MPZL1: variants seen among roughly 807,000 people sequenced by gnomAD.
MPZL1 encodes myelin protein zero like 1.
MPZL1 carries 16 observed loss-of-function variants against 29.3 expected under a neutral mutation model. The observed-to-expected ratio is 0.55, with a 90% CI of 0.37 to 0.83. The LOEUF (loss-of-function observed/expected upper bound fraction) is 0.83. Ranked by LOEUF, MPZL1 falls within the 40% of genes least tolerant of loss-of-function variation. MPZL1 has a pLI of 0.00. For synonymous variants in MPZL1, 143 were observed against 132.0 expected, an observed-to-expected ratio of 1.08 and a Z score of -0.57; for missense variants, 279 against 332.9, an observed-to-expected ratio of 0.84 and a Z score of 1.26.
intron 2 of MPZL1, among the ~76,000 whole-genome samples, chr1:167,771,380 C>T (rs1661244432): frequency 6.6e-6 from 1 of 152,140 alleles, no homozygotes; most frequent in Non-Finnish European, 1.5e-5. Flanking sequence ...ATGGAGTCTC[C>T]TATGTCTACT....
intron 5 of MPZL1, among the ~76,000 whole-genome samples, 199 bp downstream of exon 5, chr1:167,776,365 G>A (rs1009691312): frequency 1.3e-5 from 2 of 152,178 alleles, no homozygotes; most frequent in Non-Finnish European, 2.9e-5. Context: ...TGAAGAATCT[G>A]CTTGAGTAAA....
At chr1:167,728,945 G>T (rs531976708) in intron 1 of MPZL1, among the ~76,000 whole-genome samples, 5 of 152,098 alleles carry the variant, frequency 3.3e-5, no homozygotes, top group African/African-American at 9.6e-5. Context: ...TTTAGGATCT[G>T]GGGAGTTTAT....
chr1:167,743,497 C>T (rs184233659), intron 1 of MPZL1, among the ~76,000 whole-genome samples: 236 of 152,064 alleles, frequency 1.6e-3, no homozygotes, highest in African/African-American at 5.5e-3. Flanking sequence ...TGAGCCACCG[C>T]GCCTGGCCTT....
chr1:167,733,634 A>G (rs1660313617), intron 1 of MPZL1, among the ~76,000 whole-genome samples: 1 of 151,994 alleles, frequency 6.6e-6, no homozygotes, highest in African/African-American at 2.4e-5. Flanking sequence ...AATCCCAGCT[A>G]CTCAGGAGGC....
chr1:167,739,286 T>TATATATATATACATATATAC (rs1230817931), intron 1 of MPZL1, among the ~76,000 whole-genome samples: 21 of 108,324 alleles, frequency 1.9e-4, no homozygotes, highest in African/African-American at 1.1e-3. Flanking sequence ...TATATACATA[T>TATATATATATACATATATAC]ATATATATAT....
At chr1:167,777,107 TTCTA>T (rs1182610290) in intron 5 of MPZL1, among the ~76,000 whole-genome samples, 2 of 152,204 alleles carry the variant, frequency 1.3e-5, no homozygotes, top group Non-Finnish European at 2.9e-5. Flanking sequence ...CTTGTTCCTG[TTCTA>T]TCTGTCTGTC....
At chr1:167,784,816 G>A (rs1661561642) in intron 5 of MPZL1, among the ~76,000 whole-genome samples, 1 of 152,238 alleles carries the variant, frequency 6.6e-6, no homozygotes, top group South Asian at 2.1e-4. Flanking sequence ...GAAGAGGAAT[G>A]AGGATAACAT....
chr1:167,737,046 T>C (rs923714858), intron 1 of MPZL1, among the ~76,000 whole-genome samples: 2 of 152,324 alleles, frequency 1.3e-5, no homozygotes, highest in East Asian at 3.9e-4. Flanking sequence ...AACTCCTATT[T>C]AGCTTTCTCA....
chr1:167,756,155 A>G (rs1367739179), intron 1 of MPZL1, among the ~76,000 whole-genome samples: 2 of 151,862 alleles, frequency 1.3e-5, no homozygotes, highest in Admixed American at 1.3e-4. Context: ...GTAAAAGTAC[A>G]TGGATTTTTT....
chr1:167,744,419 C>T (rs976794305), intron 1 of MPZL1, among the ~76,000 whole-genome samples: 8 of 152,110 alleles, frequency 5.3e-5, no homozygotes, highest in Non-Finnish European at 7.4e-5. Context: ...CACAGTGGCT[C>T]ATGCCTGTAA....
chr1:167,758,242 G>A (rs934673079), intron 1 of MPZL1, among the ~76,000 whole-genome samples: 5 of 151,910 alleles, frequency 3.3e-5, no homozygotes, highest in African/African-American at 7.3e-5. Context: ...GCTTCAACCA[G>A]TAACAGCTTC....
chr1:167,724,693 T>C (rs187470057), intron 1 of MPZL1, among the ~76,000 whole-genome samples: 33 of 152,276 alleles, frequency 2.2e-4, no homozygotes, highest in African/African-American at 7.2e-4. Context: ...TTTGAATATG[T>C]TGAGTTTGAG....
chr1:167,772,584 G>A, intron 3 of MPZL1, 96 bp downstream of exon 3: 2 of 1,162,728 alleles, frequency 1.7e-6, no homozygotes, highest in Non-Finnish European at 2.5e-6. Flanking sequence ...GGTTTGGAGG[G>A]AGGATTTTTG....
At chr1:167,726,944 G>A (rs527651685) in intron 1 of MPZL1, among the ~76,000 whole-genome samples, 6 of 152,202 alleles carry the variant, frequency 3.9e-5, no homozygotes, top group Non-Finnish European at 7.4e-5. Flanking sequence ...TGACAGACAG[G>A]AAACATCTAC....
chr1:167,734,074 G>A (rs541121142), intron 1 of MPZL1, among the ~76,000 whole-genome samples: 8 of 152,142 alleles, frequency 5.3e-5, no homozygotes, highest in East Asian at 1.9e-4. Context: ...GGCTTACATG[G>A]TGAAACCCCG....
intron 1 of MPZL1, among the ~76,000 whole-genome samples, chr1:167,754,058 C>T (rs574143209): frequency 2.6e-5 from 4 of 152,172 alleles, no homozygotes; most frequent in East Asian, 1.9e-4. Flanking sequence ...AGTGCAGTGG[C>T]GTGATCTCCG....
intron 5 of MPZL1, among the ~76,000 whole-genome samples, chr1:167,785,631 C>A (rs1320527806): frequency 1.3e-5 from 2 of 152,176 alleles, no homozygotes; most frequent in African/African-American, 4.8e-5. Flanking sequence ...CCCCTTCTCC[C>A]ATGAACATAC....
chr1:167,762,186 T>TA (rs993127476), intron 1 of MPZL1, among the ~76,000 whole-genome samples: 2 of 152,118 alleles, frequency 1.3e-5, no homozygotes, highest in Non-Finnish European at 2.9e-5. Flanking sequence ...GCAGAGGAGA[T>TA]ACTGCTGTCA....
At position 167,770,104 on chromosome 1, in the gene MPZL1, C is replaced by T. The variant is rs963112715; in HGVS notation, c.259-2171C>T. ...AAGTGAGTAGGCAAGGAGTCTAGAG[C>T]TTAGGGGACGCTATTGATGGAGAGA... On this transcript the variant is annotated intron_variant, in intron 2 of 5. Transcript: ENST00000359523. 2.0e-5 allele frequency among the ~76,000 whole-genome samples: 3 copies of T among 152,214 alleles called. No homozygotes were observed. The East Asian group carries it at 5.8e-4, about 29-fold the overall frequency.
Sources: gnomAD v4.1 joint callset for allele counts (sites outside exome capture counted in the v4.1 genomes callset) on GRCh38, gnomAD v4.1.1 for gene constraint, MANE v1.5 for transcripts, NCBI Gene and HGNC (gene_info 2026-07-23, HGNC 2026-07-21) for gene names.